RBFOX1: variants seen among roughly 807,000 people sequenced by gnomAD.
The protein encoded by RBFOX1 is RNA binding protein fox-1 homolog 1.
A neutral mutation model predicts 57.7 loss-of-function variants in RBFOX1; 8 were observed. The ratio of observed to expected loss-of-function variants is 0.14; its 90% CI spans 0.08 to 0.25. RBFOX1 has a LOEUF of 0.25. Ranked by LOEUF, RBFOX1 falls within the 10% of genes least tolerant of loss-of-function variation. RBFOX1 has a pLI of 1.00. For missense variants in RBFOX1, 611 were observed against 548.5 expected (o/e 1.11, Z -1.14); for synonymous variants, 326 against 222.4 (o/e 1.47, Z -4.15).
At chr16:7,141,976 T>C (rs944854747) in intron 4 of RBFOX1, among the ~76,000 whole-genome samples, 44 of 148,260 alleles carry the variant, frequency 3.0e-4, no homozygotes, top group African/African-American at 8.7e-4. Flanking sequence ...TCCTTCTCCT[T>C]CTTCTCCATC....
chr16:7,323,916 G>T (rs927754905), intron 4 of RBFOX1, among the ~76,000 whole-genome samples: 8 of 145,708 alleles, frequency 5.5e-5, no homozygotes, highest in African/African-American at 1.6e-4. Flanking sequence ...GGATGGGTGG[G>T]TAGACGGATG....
At chr16:7,124,380 C>A (rs189985004) in intron 4 of RBFOX1, among the ~76,000 whole-genome samples, 1 of 152,084 alleles carries the variant, frequency 6.6e-6, no homozygotes, top group Non-Finnish European at 1.5e-5. Flanking sequence ...CAGCACTGCA[C>A]GCTAGCCCAG....
At chr16:5,715,499 A>C (rs1368859260) in intron 3 of RBFOX1, among the ~76,000 whole-genome samples, 1 of 152,198 alleles carries the variant, frequency 6.6e-6, no homozygotes. Flanking sequence ...AACTCTTAAG[A>C]TGTATTATGC....
intron 5 of RBFOX1, among the ~76,000 whole-genome samples, chr16:7,567,253 A>ATATATATCTCCC (rs1555611980): frequency 7.1e-5 from 3 of 42,166 alleles, no homozygotes; most frequent in Non-Finnish European, 8.0e-5. Flanking sequence ...ATATATCCCT[A>ATATATATCTCCC]TATATATATA....
chr16:7,004,019 C>T (rs555978622), intron 3 of RBFOX1: 12 of 144,478 alleles, frequency 8.3e-5, no homozygotes, highest in East Asian at 8.3e-4. Context: ...AAAAAAGTAA[C>T]GCTTCACAAA....
chr16:7,339,099 G>T (rs1437385216), intron 4 of RBFOX1, among the ~76,000 whole-genome samples: 1 of 152,192 alleles, frequency 6.6e-6, no homozygotes, highest in Non-Finnish European at 1.5e-5. Context: ...GGTCCAGGTT[G>T]ATATATAGGC....
chr16:6,971,582 G>T (rs1040955608), intron 3 of RBFOX1, among the ~76,000 whole-genome samples: 2 of 151,942 alleles, frequency 1.3e-5, no homozygotes, highest in East Asian at 3.9e-4. Flanking sequence ...ATTATTAAAA[G>T]ATCACCAGCT....
chr16:6,021,650 C>T (rs1341642293), intron 1 of RBFOX1, among the ~76,000 whole-genome samples: 1 of 152,166 alleles, frequency 6.6e-6, no homozygotes, highest in Non-Finnish European at 1.5e-5. Context: ...GAAAAGTCAT[C>T]ATTCCTCGCG....
chr16:5,470,208 C>T (rs1018850713), intron 2 of RBFOX1, among the ~76,000 whole-genome samples: 1 of 152,198 alleles, frequency 6.6e-6, no homozygotes, highest in African/African-American at 2.4e-5. Flanking sequence ...ACCATGCTGT[C>T]CTGCATGTGG....
At chr16:7,480,640 C>T (rs1599535927) in intron 4 of RBFOX1, among the ~76,000 whole-genome samples, 1 of 152,182 alleles carries the variant, frequency 6.6e-6, no homozygotes, top group Non-Finnish European at 1.5e-5. Flanking sequence ...GGCCTTGGTG[C>T]CGCATGAGCA....
At chr16:6,804,964 G>GT (rs1275131096) in intron 3 of RBFOX1, among the ~76,000 whole-genome samples, 10 of 152,204 alleles carry the variant, frequency 6.6e-5, no homozygotes, top group African/African-American at 2.4e-4. Flanking sequence ...TTAGTTCATT[G>GT]TGAAAAGCAC....
At chr16:5,359,839 C>T (rs1162261238) in intron 1 of RBFOX1, among the ~76,000 whole-genome samples, 1 of 152,184 alleles carries the variant, frequency 6.6e-6, no homozygotes, top group Non-Finnish European at 1.5e-5. Flanking sequence ...ATGGTTTCCT[C>T]TCTGGTCCTC....
chr16:6,157,915 T>A (rs1421634450), intron 1 of RBFOX1, among the ~76,000 whole-genome samples: 3 of 152,134 alleles, frequency 2.0e-5, no homozygotes, highest in Non-Finnish European at 4.4e-5. Context: ...CAAGATTAGA[T>A]CCTATTGGAT....
intron 5 of RBFOX1, among the ~76,000 whole-genome samples, chr16:7,533,446 A>G (rs924383887): frequency 3.9e-5 from 6 of 152,172 alleles, no homozygotes. Flanking sequence ...ATTGAGACCT[A>G]TGTCACTGCA....
chr16:7,209,497 C>A (rs140123176), intron 4 of RBFOX1, among the ~76,000 whole-genome samples: 17 of 152,170 alleles, frequency 1.1e-4, no homozygotes, highest in Non-Finnish European at 2.1e-4. Context: ...GCAGTTGGCT[C>A]CTGCCAGCTT....
intron 3 of RBFOX1, among the ~76,000 whole-genome samples, chr16:6,872,875 T>C (rs192525883): frequency 6.6e-6 from 1 of 152,162 alleles, no homozygotes; most frequent in African/African-American, 2.4e-5. Flanking sequence ...GACTCCATGT[T>C]CCATAAAAAT....
At chr16:6,747,938 A>G (rs944790879) in intron 3 of RBFOX1, among the ~76,000 whole-genome samples, 3 of 152,200 alleles carry the variant, frequency 2.0e-5, no homozygotes, top group East Asian at 1.9e-4. Flanking sequence ...CTTCAGCATC[A>G]TGAGGATTGG....
In RBFOX1 at chr16:6,449,639, T is replaced by C. The variant is rs570856082; in HGVS notation, c.-64+132582T>C. Among the ~76,000 whole-genome samples, 4 of 152,306 alleles carry C rather than the reference T, an allele frequency of 2.6e-5. No homozygotes were observed. The South Asian group carries it at 6.2e-4, about 24-fold the overall frequency. Reference sequence around the variant, plus strand: ...AGTGGTATCAAAGGAAAAGTCATCTTGTCTTTCAGTGTTTAGCGTCAACAC... The same window carrying C: ...AGTGGTATCAAAGGAAAAGTCATCTCGTCTTTCAGTGTTTAGCGTCAACAC... On this transcript the variant is annotated intron_variant, in intron 2 of 15. Transcript: ENST00000550418.
intron 2 of RBFOX1, among the ~76,000 whole-genome samples, chr16:5,470,844 G>GATT (rs371545318): frequency 1.5e-4 from 23 of 151,776 alleles, no homozygotes; most frequent in South Asian, 4.2e-4. Context: ...CCAGTGCAGT[G>GATT]ATTATTATTA....
Sources: allele counts gnomAD v4.1 joint callset (sites outside exome capture counted in the v4.1 genomes callset), GRCh38; gene constraint gnomAD v4.1.1; transcripts MANE v1.5; gene names NCBI Gene and HGNC (gene_info 2026-07-23, HGNC 2026-07-21).